Variants in SLC4A1 observed in about 807,000 individuals in gnomAD.
SLC4A1 encodes the protein solute carrier family 4 member 1 (Diego blood group), also known as band 3 anion transport protein.
Under a neutral mutation model 93.1 loss-of-function variants are expected in SLC4A1, and 29 were observed. The ratio of observed to expected loss-of-function variants is 0.31; its 90% confidence interval spans 0.23 to 0.42. SLC4A1 has a LOEUF of 0.42. Among genes scored for constraint, SLC4A1 ranks in the 20% least tolerant of loss-of-function variants. SLC4A1 has a pLI of 1.00. For synonymous variants in SLC4A1, 469 were observed against 497.2 expected, an observed-to-expected ratio of 0.94 and a Z score of 0.76; for missense variants, 965 against 1,190.1, an observed-to-expected ratio of 0.81 and a Z score of 2.78.
In SLC4A1 at chr17:44,248,427, A is replaced by T. The variant is rs2144590750; in HGVS notation, c.*2031T>A. The T allele has an allele frequency of 6.6e-6, 1 of 152,394 alleles. No homozygotes were observed. Among genetic ancestry groups the T allele is most frequent in the Admixed American group, 6.5e-5 (1 of 15,298 alleles). 9.4% of individuals were successfully genotyped at this position (152,394 alleles called of 1,614,324 possible). ...ACGTTTATTGGCAAAACCTATTCCC[A>T]GGCATCAAGGGGAAGGGTGCTAGCA... On this transcript the variant is annotated 3_prime_UTR_variant, in exon 20 of 20. Coordinates refer to ENST00000262418, the MANE Select transcript of SLC4A1 (RefSeq NM_000342.4).
At chr17:44,252,804 C>T (rs1371761219) in intron 17 of SLC4A1, among the ~76,000 whole-genome samples, 3 of 152,156 alleles carry the variant, frequency 2.0e-5, no homozygotes, top group African/African-American at 4.8e-5. Flanking sequence ...AGGAGGGATA[C>T]TGGGTTAGCA....
chr17:44,256,371 G>A (rs1296745934), intron 13 of SLC4A1, among the ~76,000 whole-genome samples: 1 of 151,642 alleles, frequency 6.6e-6, no homozygotes. Context: ...TGGGAGACAT[G>A]AGAAGGCTGG....
chr17:44,263,708 TC>T (rs1231882641), intron 1 of SLC4A1, among the ~76,000 whole-genome samples: 1 of 1,502 alleles, frequency 6.7e-4, no homozygotes, highest in Non-Finnish European at 0.013. Flanking sequence ...CTCCCTTCCC[TC>T]CTTCCTTCCT....
At chr17:44,264,970 G>A (rs2047482790) in intron 1 of SLC4A1, among the ~76,000 whole-genome samples, 1 of 150,368 alleles carries the variant, frequency 6.7e-6, no homozygotes, top group Non-Finnish European at 1.5e-5. Context: ...GTTGAGCACT[G>A]GAGGCTGTGG....
chr17:44,250,574 G>A (rs768263309), intron 19 of SLC4A1, 36 bp from the exon 20 acceptor site: 21 of 1,553,662 alleles, frequency 1.4e-5, no homozygotes, highest in Non-Finnish European at 1.7e-5. Flanking sequence ...CAGGGTGAGA[G>A]ACCCTGGGGC....
chr17:44,248,746 T>G lies in SLC4A1; in HGVS notation c.*1712A>C, dbSNP rs1178788360. The stretch of plus-strand genomic sequence containing the variant: ...AGGGACAGGAGAGCCTCCCATGGAC[T>G]GAGCTAGCCTGGGAGGTACAAATAA... On this transcript the variant is annotated 3_prime_UTR_variant, in exon 20 of 20. Transcript: ENST00000262418. 1.3e-5 allele frequency: 2 copies of G among 158,300 alleles called. No homozygotes were observed. Among genetic ancestry groups the G allele is most frequent in the Non-Finnish European group, 2.8e-5 (2 of 72,698 alleles). The allele number at this position is 158,300 out of a possible 1,614,324, so 9.8% of individuals were successfully genotyped here.
At position 44,258,602 on chromosome 17, in the gene SLC4A1, T is replaced by G. The variant is rs781245575; in HGVS notation, c.898A>C (p.Met300Leu). Residue 300 changes from methionine (M) to leucine (L), a missense_variant, in exon 10 of 20, where the codon ATG becomes CTG. By Grantham distance (15) the Met-to-Leu change is conservative (BLOSUM62 2). Transcript: ENST00000262418. This position sits in a 1 kb window ranked among gnomAD's most constrained non-coding sequence, Gnocchi z 6.1. Reference protein sequence around the residue: ...SERVFRIDAYMAQSRGELLHS... With the variant: ...SERVFRIDAYLAQSRGELLHS... ...AGCAGCTCCCCTCGGCTCTGAGCCA[T>G]GTAGGCATCTATGCGGAACACCTAG... The G allele has an allele frequency of 1.2e-6, 2 of 1,606,974 alleles. No individual in the cohort carries two copies.
At position 44,251,553 on chromosome 17, in the gene SLC4A1, T is replaced by C; in HGVS notation, c.2347A>G (p.Ile783Val). The C allele has an allele frequency of 1.2e-6, 2 of 1,613,968 alleles. No homozygotes were observed. Among genetic ancestry groups the C allele is most frequent in the East Asian group, 2.2e-5 (1 of 44,872 alleles). Residue 783 changes from isoleucine to valine, a missense_variant, in exon 18 of 20, where the codon ATC (isoleucine) becomes GTC (valine). By Grantham distance (29) the Ile-to-Val change is conservative. Transcript: ENST00000262418. ...SILMEPILSR[I>V]PLAVLFGIFL... ...ATGCCAAACAGTACAGCCAGGGGGA[T>C]GCGGGACAGGATGGGCTCCATGAGG...
intron 16 of SLC4A1, among the ~76,000 whole-genome samples, chr17:44,254,222 C>T (rs558748295): frequency 2.0e-5 from 3 of 152,158 alleles, no homozygotes; most frequent in East Asian, 3.9e-4. Context: ...GTGATCTGCC[C>T]GCCTCGGCCT....
At chr17:44,251,643 G>T in intron 17 of SLC4A1, 55 bp from the exon 18 acceptor site, 4 of 1,561,194 alleles carry the variant, frequency 2.6e-6, no homozygotes, top group East Asian at 2.2e-5. Context: ...GGCACCAGTG[G>T]GGGGTCAGGC....
intron 1 of SLC4A1, among the ~76,000 whole-genome samples, chr17:44,267,257 A>T (rs2047503008): frequency 1.3e-5 from 2 of 152,200 alleles, no homozygotes; most frequent in African/African-American, 4.8e-5. Flanking sequence ...TTCAAAGCCC[A>T]GCCCTGCCAT....
chr17:44,248,848 C>CTTTTTT lies in SLC4A1; in HGVS notation c.*1609_*1610insAAAAAA. The CTTTTTT allele has an allele frequency of 1.7e-5, 2 of 115,732 alleles. No homozygotes were observed. Among genetic ancestry groups the CTTTTTT allele is most frequent in the Non-Finnish European group, 3.1e-5 (2 of 64,182 alleles). The allele number at this position is 115,732 out of a possible 1,614,324, so 7.2% of individuals were successfully genotyped here. On this transcript the variant is annotated 3_prime_UTR_variant, in exon 20 of 20. Transcript: ENST00000262418. ...GGCCCCCAAGGCTGATGTTTCCTTCCGTTTTTTTTTTTTTTTTTTTTTTTT... is the reference window on the plus strand; with the variant it reads ...GGCCCCCAAGGCTGATGTTTCCTTCCTTTTTTGTTTTTTTTTTTTTTTTTTTTTTTT...
In SLC4A1 at chr17:44,260,550, T is replaced by C. The variant is rs543747436; in HGVS notation, c.350-11A>G. On this transcript the variant is annotated splice_polypyrimidine_tract_variant and intron_variant, in intron 5 of 19. Transcript: ENST00000262418. ...CTAGGAGGACAGTACCTGCAGGCAG[T>C]GGAGGAGTGAGCTGGTAGGCTGGGC... 2.2e-5 allele frequency: 35 copies of C among 1,614,096 alleles called. No homozygotes were observed. The South Asian group carries it at 3.7e-4, about 17-fold the overall frequency.
rs751027857 is a variant in SLC4A1, at chr17:44,257,859, C to T, written c.1283-52G>A. 2.7e-5 allele frequency: 43 copies of T among 1,611,164 alleles called. 2 individuals are homozygous for T. In the South Asian group the frequency reaches 4.1e-4, roughly 15 times the overall value. On this transcript the variant is annotated intron_variant, in intron 11 of 19. Transcript: ENST00000262418. The stretch of plus-strand genomic sequence containing the variant: ...AAGGTCAGGAGATCATTTCCAGGAG[C>T]CCATAGAGCAAGTCATGGTCAGGCT...
intron 16 of SLC4A1, among the ~76,000 whole-genome samples, chr17:44,253,970 CTTTT>C (rs55705332): frequency 1.1e-5 from 1 of 87,050 alleles, no homozygotes; most frequent in Non-Finnish European, 2.0e-5. Context: ...TCACCTGGCG[CTTTT>C]TTTTTTTTTT....
At position 44,258,325 on chromosome 17, in the gene SLC4A1, G is replaced by A; in HGVS notation, c.1087+88C>T. ...ATGTGGGCAAAGGGAGCGATGAGAG[G>A]GGAACATGTGATGGGAGACAGAGGC... is the stretch of plus-strand genomic sequence containing the variant. On this transcript the variant is annotated intron_variant, in intron 10 of 19. Transcript: ENST00000262418. This position sits in a 1 kb window ranked among gnomAD's most constrained non-coding sequence, Gnocchi z 6.1. 7.0e-7 allele frequency: 1 copy of A among 1,438,848 alleles called. No homozygotes were observed. Among genetic ancestry groups the A allele is most frequent in the Non-Finnish European group, 9.8e-7 (1 of 1,021,652 alleles). The allele number at this position is 1,438,848 out of a possible 1,614,324, so 89.1% of individuals were successfully genotyped here.
In SLC4A1 at chr17:44,260,398, G is replaced by A. The variant is rs774741748; in HGVS notation, c.485+6C>T. On this transcript the variant is annotated splice_donor_region_variant and intron_variant, in intron 6 of 19. Coordinates refer to ENST00000262418, the MANE Select transcript of SLC4A1 (RefSeq NM_000342.4). ...ATGGAATCCAGGCCCTGGCAGGCAGGGGCACCTGTGTTTAAGCAGCAGGGC... is the reference window on the plus strand; with the variant it reads ...ATGGAATCCAGGCCCTGGCAGGCAGAGGCACCTGTGTTTAAGCAGCAGGGC... 3.1e-6 allele frequency: 5 copies of A among 1,610,636 alleles called. No homozygotes were observed. Among genetic ancestry groups the A allele is most frequent in the Non-Finnish European group, 4.2e-6 (5 of 1,178,666 alleles).
At chr17:44,253,455 T>C in intron 16 of SLC4A1, 84 bp from the exon 17 acceptor site, 1 of 1,531,018 alleles carries the variant, frequency 6.5e-7, no homozygotes, top group Non-Finnish European at 8.8e-7. Flanking sequence ...TTGGTGTCCT[T>C]GTAGCTCAGT....
In SLC4A1 at chr17:44,250,492, C is replaced by T. The variant is rs189300762; in HGVS notation, c.2702G>A (p.Arg901Gln). ...CATGGCCACTTCGTCGTATTCATCC[C>T]GACCTTCCTCCTCATCAAAGGTTGC... The part of the protein sequence containing the change: ...AKATFDEEEG[R>Q]DEYDEVAMPV The change falls in exon 20 of 20, where the codon CGG becomes CAG. Residue 901 changes from arginine to glutamine, a missense_variant. Physicochemically the swap from Arg to Gln is conservative, Grantham distance 43 (BLOSUM62 1). Coordinates refer to ENST00000262418, the MANE Select transcript of SLC4A1 (RefSeq NM_000342.4). 149 of 1,613,982 alleles carry T rather than the reference C, an allele frequency of 9.2e-5. No individual in the cohort carries two copies. The highest frequency in any genetic ancestry group is 1.2e-4 in the Non-Finnish European group (141 of 1,179,978).
Sources: allele counts gnomAD v4.1 joint callset (sites outside exome capture counted in the v4.1 genomes callset), GRCh38; gene constraint gnomAD v4.1.1; non-coding constraint Gnocchi (gnomAD v3.1); transcripts MANE v1.5; gene names NCBI Gene and HGNC (gene_info 2026-07-23, HGNC 2026-07-21).